Variants in ATP13A5 observed in about 807,000 individuals in gnomAD.
The protein encoded by ATP13A5 is probable cation-transporting ATPase 13A5.
Under a neutral mutation model 150.2 loss-of-function variants are expected in ATP13A5, and 149 were observed. The observed-to-expected ratio is 0.99, with a 90% CI of 0.87 to 1.14. The LOEUF is 1.14. Ranked by LOEUF, ATP13A5 falls within the 50% of genes most tolerant of loss-of-function variation. The pLI, the probability that ATP13A5 is intolerant of heterozygous loss-of-function variation, is 0.00. For missense variants in ATP13A5, 1,383 were observed against 1,449.3 expected (o/e 0.95, Z 0.74); for synonymous variants, 497 against 522.2 (o/e 0.95, Z 0.66).
intron 5 of ATP13A5, among the ~76,000 whole-genome samples, chr3:193,359,831 G>T (rs1010326276): frequency 6.6e-5 from 10 of 152,032 alleles, no homozygotes; most frequent in Admixed American, 6.6e-4. Flanking sequence ...TGGTGGTGGT[G>T]GTGGTGCAGG....
At chr3:193,322,155 T>G (rs1257766847) in intron 15 of ATP13A5, among the ~76,000 whole-genome samples, 1 of 152,200 alleles carries the variant, frequency 6.6e-6, no homozygotes, top group Non-Finnish European at 1.5e-5. Context: ...AACTCTTTCT[T>G]CAGCCTTGAT....
chr3:193,360,819 G>A (rs1411483427), intron 5 of ATP13A5, among the ~76,000 whole-genome samples: 1 of 152,094 alleles, frequency 6.6e-6, no homozygotes, highest in East Asian at 1.9e-4. Context: ...TGGGACTACA[G>A]GTACAGGCCA....
intron 7 of ATP13A5, 38 bp from the exon 8 acceptor site, chr3:193,345,113 T>C: frequency 6.3e-7 from 1 of 1,581,060 alleles, no homozygotes; most frequent in Non-Finnish European, 8.7e-7. Context: ...ATTAGATAGT[T>C]CATGTTCTGA....
intron 28 of ATP13A5, among the ~76,000 whole-genome samples, chr3:193,278,620 T>C (rs1717334153): frequency 1.3e-5 from 2 of 152,238 alleles, no homozygotes; most frequent in Non-Finnish European, 2.9e-5. Flanking sequence ...CCTGGCAAAA[T>C]GTGGCCTATT....
At chr3:193,366,191 A>G (rs911037481) in intron 1 of ATP13A5, among the ~76,000 whole-genome samples, 10 of 152,084 alleles carry the variant, frequency 6.6e-5, no homozygotes, top group Admixed American at 1.3e-4. Flanking sequence ...GGAGAAAAGA[A>G]CAAAGAACAA....
intron 14 of ATP13A5, 45 bp from the exon 15 acceptor site, chr3:193,322,619 A>G (rs752267057): frequency 5.7e-5 from 76 of 1,329,782 alleles, no homozygotes; most frequent in Non-Finnish European, 7.7e-5. Flanking sequence ...GAATAAAAAT[A>G]TTAAGAAAGA....
chr3:193,340,487 C>T (rs889786697), intron 9 of ATP13A5, among the ~76,000 whole-genome samples: 1 of 152,170 alleles, frequency 6.6e-6, no homozygotes, highest in Non-Finnish European at 1.5e-5. Context: ...ATGATAAGCT[C>T]GTCTGACAGG....
chr3:193,318,793 C>G (rs758625508), intron 17 of ATP13A5, among the ~76,000 whole-genome samples, 198 bp downstream of exon 17: 4 of 152,178 alleles, frequency 2.6e-5, no homozygotes, highest in Non-Finnish European at 5.9e-5. Context: ...TGTTCTGCCA[C>G]CAACCAGCAT....
chr3:193,311,748 A>G (rs1718856855), intron 20 of ATP13A5, 68 bp downstream of exon 20: 3 of 1,582,734 alleles, frequency 1.9e-6, no homozygotes, highest in African/African-American at 1.3e-5. Context: ...TGTTTTCAAT[A>G]CTCTCCTCCT....
intron 25 of ATP13A5, among the ~76,000 whole-genome samples, chr3:193,294,295 C>T (rs776343523): frequency 2.0e-4 from 30 of 151,904 alleles, no homozygotes; most frequent in Non-Finnish European, 4.0e-4. Context: ...AGTTCCTGTT[C>T]TTAGATTTTT....
At chr3:193,343,142 G>C (rs12330236) in intron 9 of ATP13A5, among the ~76,000 whole-genome samples, 17,881 of 152,106 alleles carry the variant, frequency 0.12, 1,358 homozygotes, top group Non-Finnish European at 0.16. Flanking sequence ...CATTTTCCCT[G>C]TCTTTATACC....
In ATP13A5 at chr3:193,363,289, C is replaced by T. The variant is rs1420193577; in HGVS notation, c.331G>A (p.Val111Met). The T allele has an allele frequency of 1.7e-5, 28 of 1,613,882 alleles. No homozygotes were observed. Among genetic ancestry groups the T allele is most frequent in the Non-Finnish European group, 2.2e-5 (26 of 1,179,836 alleles). Reference sequence around the variant, plus strand: ...TTTATGACAGAGTGGCGGTCAGCCACCAGGGATTCTTCCCACTTCTTGCTT... The same window carrying T: ...TTTATGACAGAGTGGCGGTCAGCCATCAGGGATTCTTCCCACTTCTTGCTT... ...PVSKKWEESLVADRHSVINQA... is the reference protein window; with the variant it reads ...PVSKKWEESLMADRHSVINQA... Residue 111 changes from valine (V) to methionine (M), a missense_variant, in exon 3 of 30, where the codon GTG becomes ATG. Transcript: ENST00000342358.
Position 193,295,717 on chromosome 3 carries a change from A to G in ATP13A5, c.2848+3414T>C, listed in dbSNP as rs146405457. 2.0e-5 allele frequency among the ~76,000 whole-genome samples: 3 copies of G among 152,294 alleles called. No homozygotes were observed. The East Asian group carries it at 5.8e-4, about 29-fold the overall frequency. On this transcript the variant is annotated intron_variant, in intron 25 of 29. Transcript: ENST00000342358. ...TGCCAATTTATTGTGAAGAGAGATTATCGCCATATCTCCATAGTGTCTAGC... is the reference window on the plus strand; with the variant it reads ...TGCCAATTTATTGTGAAGAGAGATTGTCGCCATATCTCCATAGTGTCTAGC...
chr3:193,372,797 CT>C (rs781742650), intron 1 of ATP13A5, among the ~76,000 whole-genome samples: 61 of 152,298 alleles, frequency 4.0e-4, no homozygotes, highest in Non-Finnish European at 5.7e-4. Flanking sequence ...ATAATGAGGT[CT>C]GTTACATTGC....
chr3:193,346,482 G>T (rs1712342343), intron 7 of ATP13A5, among the ~76,000 whole-genome samples: 1 of 152,164 alleles, frequency 6.6e-6, no homozygotes. Context: ...GCCCTGGAAG[G>T]TACTGCCTCT....
chr3:193,376,131 T>C (rs1388421668), intron 1 of ATP13A5, among the ~76,000 whole-genome samples: 3 of 152,228 alleles, frequency 2.0e-5, no homozygotes, highest in African/African-American at 4.8e-5. Flanking sequence ...TTTCAAAAGA[T>C]GAATTTGTTT....
rs1237095950 is a variant in ATP13A5, at chr3:193,335,235, T to A, written c.944-136A>T. 4.2e-6 allele frequency: 3 copies of A among 716,268 alleles called. No individual in the cohort carries two copies. The African/African-American group carries it at 5.3e-5, about 13-fold the overall frequency. The allele number at this position is 716,268 out of a possible 1,614,324, so 44.4% of individuals were successfully genotyped here. On this transcript the variant is annotated intron_variant, in intron 9 of 29. Coordinates refer to ENST00000342358, the MANE Select transcript of ATP13A5 (RefSeq NM_198505.4). ...CCCATCCCATGAGTCAGATGACTGT[T>A]CATAGAGATGCTGGTGGTACAAGCA... is the stretch of plus-strand genomic sequence containing the variant.
chr3:193,279,311 A>C, intron 28 of ATP13A5, 55 bp downstream of exon 28: 3 of 1,314,704 alleles, frequency 2.3e-6, no homozygotes, highest in Non-Finnish European at 3.3e-6. Context: ...AATTACAATG[A>C]ATACATGGTC....
intron 27 of ATP13A5, among the ~76,000 whole-genome samples, chr3:193,282,669 G>A (rs116224365): frequency 0.025 from 3,754 of 152,314 alleles, 129 homozygotes; most frequent in African/African-American, 0.068. Flanking sequence ...GAGCCACCGC[G>A]TCTGGCCCAA....
Sources: gnomAD v4.1 joint callset for allele counts (sites outside exome capture counted in the v4.1 genomes callset) on GRCh38, gnomAD v4.1.1 for gene constraint, MANE v1.5 for transcripts, NCBI Gene and HGNC (gene_info 2026-07-23, HGNC 2026-07-21) for gene names.